Variants in AFG1L observed in about 807,000 individuals in gnomAD.
AFG1L encodes AFG1 like ATPase.
In AFG1L, 53 loss-of-function variants were observed where a neutral mutation model predicts 62.2. The observed-to-expected ratio is 0.85, with a 90% CI of 0.68 to 1.07. AFG1L has a LOEUF of 1.07. AFG1L is among the 50% of genes least tolerant of loss of function. AFG1L has a pLI of 0.00. For synonymous variants in AFG1L, 228 were observed against 210.3 expected, an observed-to-expected ratio of 1.08 and a Z score of -0.73; for missense variants, 555 against 590.5, an observed-to-expected ratio of 0.94 and a Z score of 0.62.
chr6:108,459,288 G>A (rs1426853385), intron 8 of AFG1L, among the ~76,000 whole-genome samples: 1 of 152,084 alleles, frequency 6.6e-6, no homozygotes, highest in Non-Finnish European at 1.5e-5. Context: ...CTCCCCAAAT[G>A]CTGAATTCTA....
At chr6:108,487,994 C>T (rs1773634858) in intron 10 of AFG1L, among the ~76,000 whole-genome samples, 2 of 152,168 alleles carry the variant, frequency 1.3e-5, no homozygotes, top group African/African-American at 2.4e-5. Context: ...GGTCAGTATA[C>T]TCTGGGAGAG....
Position 108,302,674 on chromosome 6 carries a change from A to G in AFG1L, c.139+7456A>G, listed in dbSNP as rs576586940. On this transcript the variant is annotated intron_variant, in intron 1 of 12. Transcript: ENST00000368977. ...TTCCAAAGGAGCTTTTATTGGCGCT[A>G]TAAGTCAAGTTTGATTCCTTAAAGG... 1.6e-4 allele frequency among the ~76,000 whole-genome samples: 25 copies of G among 152,324 alleles called. No homozygotes were observed. The East Asian group carries it at 4.6e-3, about 28-fold the overall frequency.
At chr6:108,416,602 G>T (rs970412929) in intron 7 of AFG1L, among the ~76,000 whole-genome samples, 1 of 152,128 alleles carries the variant, frequency 6.6e-6, no homozygotes, top group Admixed American at 6.5e-5. Context: ...CCATAAAAAA[G>T]GATGAGTTCA....
chr6:108,344,422 G>GT (rs1482666153), intron 2 of AFG1L, among the ~76,000 whole-genome samples: 2 of 151,652 alleles, frequency 1.3e-5, no homozygotes, highest in Non-Finnish European at 2.9e-5. Flanking sequence ...CTACAGGATA[G>GT]TTTTTTTTCA....
At chr6:108,460,659 T>A (rs1200934597) in intron 8 of AFG1L, among the ~76,000 whole-genome samples, 3 of 152,186 alleles carry the variant, frequency 2.0e-5, no homozygotes, top group African/African-American at 7.2e-5. Context: ...CTCAAACTCC[T>A]GGGCTCAAGA....
chr6:108,401,929 G>T, intron 6 of AFG1L, 67 bp from the exon 7 acceptor site: 1 of 721,978 alleles, frequency 1.4e-6, no homozygotes. Context: ...TTATTTGCCA[G>T]GCTAAACGAT....
At chr6:108,494,256 G>C (rs1011399203) in intron 10 of AFG1L, among the ~76,000 whole-genome samples, 1 of 151,998 alleles carries the variant, frequency 6.6e-6, no homozygotes, top group Admixed American at 6.6e-5. Context: ...ACTTGATGTG[G>C]CTTGTGTCTT....
chr6:108,466,562 G>T (rs1772671333), intron 8 of AFG1L, among the ~76,000 whole-genome samples: 1 of 151,756 alleles, frequency 6.6e-6, no homozygotes, highest in Non-Finnish European at 1.5e-5. Flanking sequence ...ATAAGAAAAG[G>T]CAGAGACCCC....
intron 6 of AFG1L, among the ~76,000 whole-genome samples, chr6:108,399,776 T>C (rs1320004211): frequency 9.1e-5 from 11 of 120,536 alleles, no homozygotes; most frequent in African/African-American, 3.1e-4. Flanking sequence ...TCTCTTTTTT[T>C]TTTTTTTTTT....
At position 108,373,691 on chromosome 6, in the gene AFG1L, G is replaced by A. The variant is rs781481862; in HGVS notation, c.748+7359G>A. Among the ~76,000 whole-genome samples, 247 of 151,078 alleles carry A rather than the reference G, an allele frequency of 1.6e-3. 7 individuals are homozygous for A. The highest frequency in any genetic ancestry group is 3.4e-3 in the Middle Eastern group (1 of 294). ...TCCCAGGTTCAAGTGATTCTCCTGC[G>A]TCAGCCTCTCGAGTAGCTGGGACTA... On this transcript the variant is annotated intron_variant, in intron 6 of 12. Coordinates refer to ENST00000368977, the MANE Select transcript of AFG1L (RefSeq NM_145315.5).
At chr6:108,321,587 G>C (rs998100946) in intron 1 of AFG1L, among the ~76,000 whole-genome samples, 1 of 152,162 alleles carries the variant, frequency 6.6e-6, no homozygotes, top group African/African-American at 2.4e-5. Flanking sequence ...AATTCCAAGG[G>C]TTTTAGGAAC....
chr6:108,493,419 C>T (rs1773844920), intron 10 of AFG1L, among the ~76,000 whole-genome samples: 2 of 152,164 alleles, frequency 1.3e-5, no homozygotes, highest in Admixed American at 1.3e-4. Flanking sequence ...CTTCTGACTG[C>T]CCCTCACACT....
chr6:108,468,330 T>C (rs1772751292), intron 8 of AFG1L, among the ~76,000 whole-genome samples: 1 of 152,218 alleles, frequency 6.6e-6, no homozygotes. Context: ...ATAGTTTGAA[T>C]GATCACGGTT....
chr6:108,394,315 T>C (rs896943948), intron 6 of AFG1L, among the ~76,000 whole-genome samples: 2 of 151,848 alleles, frequency 1.3e-5, no homozygotes, highest in African/African-American at 4.8e-5. Context: ...ACCCGGCTAA[T>C]CTTGTTTTTT....
intron 10 of AFG1L, among the ~76,000 whole-genome samples, chr6:108,499,767 A>C (rs1785163660): frequency 1.3e-5 from 2 of 151,912 alleles, no homozygotes; most frequent in African/African-American, 4.8e-5. Flanking sequence ...CATCACCCCC[A>C]AAAAAACCTG....
At chr6:108,410,365 T>G (rs1288229035) in intron 7 of AFG1L, among the ~76,000 whole-genome samples, 1 of 151,908 alleles carries the variant, frequency 6.6e-6, no homozygotes, top group African/African-American at 2.4e-5. Context: ...TGAAGGATTA[T>G]AAAAAGAATC....
At chr6:108,441,700 T>TA (rs1336368153) in intron 7 of AFG1L, among the ~76,000 whole-genome samples, 2 of 114,798 alleles carry the variant, frequency 1.7e-5, no homozygotes, top group Admixed American at 1.6e-4. Flanking sequence ...TGAGGTTTAT[T>TA]TAAAAAAAAA....
At chr6:108,477,046 G>A in intron 9 of AFG1L, 111 bp downstream of exon 9, 1 of 1,076,760 alleles carries the variant, frequency 9.3e-7, no homozygotes, top group Non-Finnish European at 1.4e-6. Context: ...CCACGCTCAA[G>A]TGGCAGTCAT....
chr6:108,360,012 T>G (rs776676031), intron 5 of AFG1L: 1 of 152,238 alleles, frequency 6.6e-6, no homozygotes, highest in Non-Finnish European at 1.5e-5. Flanking sequence ...TGAGGAAATG[T>G]CACTTTCCTT....
Sources: allele counts gnomAD v4.1 joint callset (sites outside exome capture counted in the v4.1 genomes callset), GRCh38; gene constraint gnomAD v4.1.1; transcripts MANE v1.5; gene names NCBI Gene and HGNC (gene_info 2026-07-23, HGNC 2026-07-21).